Variants in RCAN2 observed in about 807,000 individuals in gnomAD.
The protein encoded by RCAN2 is calcipressin-2.
RCAN2 carries 9 observed loss-of-function variants against 23.6 expected under a neutral mutation model. The ratio of observed to expected loss-of-function variants is 0.38; its 90% CI spans 0.23 to 0.67. RCAN2 has a LOEUF of 0.67. Among genes scored for constraint, RCAN2 ranks in the 30% least tolerant of loss-of-function variants. The pLI is 0.51. For synonymous variants in RCAN2, 109 were observed against 115.7 expected, an observed-to-expected ratio of 0.94 and a Z score of 0.37; for missense variants, 273 against 302.3, an observed-to-expected ratio of 0.90 and a Z score of 0.72.
intron 4 of RCAN2, among the ~76,000 whole-genome samples, chr6:46,232,300 A>G (rs1765923715): frequency 6.6e-6 from 1 of 152,228 alleles, no homozygotes; most frequent in South Asian, 2.1e-4. Context: ...TGTTCTCTCT[A>G]AAATATTTTG....
intron 2 of RCAN2, among the ~76,000 whole-genome samples, chr6:46,430,110 A>G (rs1767147869): frequency 6.6e-6 from 1 of 152,202 alleles, no homozygotes. Flanking sequence ...CCAAAAAACT[A>G]AAGCACTTCA....
Position 46,221,908 on chromosome 6 carries a change from AAAAC to A in RCAN2, c.*1229_*1232del. The A allele has an allele frequency of 2.5e-6, 1 of 398,562 alleles. No individual in the cohort carries two copies. The highest frequency in any genetic ancestry group is 4.4e-6 in the Non-Finnish European group (1 of 225,992). The allele number at this position is 398,562 out of a possible 1,614,324, so 24.7% of individuals were successfully genotyped here. A position where few individuals can be genotyped will look rare whatever the true frequency, so the allele number is the denominator to read the frequency against. ...AGAAATAGAAAAATCACACGTAACA[AAAAC>A]AAATAACTTTTTTGAGCACACGGGT... is the stretch of plus-strand genomic sequence containing the variant. On this transcript the variant is annotated 3_prime_UTR_variant, in exon 5 of 5. Transcript: ENST00000371374.
intron 2 of RCAN2, among the ~76,000 whole-genome samples, chr6:46,263,479 G>A (rs199833429): frequency 0.076 from 10,697 of 140,062 alleles, 921 homozygotes; most frequent in African/African-American, 0.2. Flanking sequence ...GTGTGTATGT[G>A]TGTGTGTGTG....
intron 2 of RCAN2, among the ~76,000 whole-genome samples, chr6:46,415,717 T>C (rs558183009): frequency 6.6e-6 from 1 of 152,092 alleles, no homozygotes; most frequent in Admixed American, 6.6e-5. Context: ...AATTAATAAA[T>C]AAACTAGGGT....
chr6:46,435,703 C>A (rs1767344508), intron 2 of RCAN2, among the ~76,000 whole-genome samples: 1 of 152,166 alleles, frequency 6.6e-6, no homozygotes. Context: ...GTCAACCAAT[C>A]CAGTTTTCTT....
intron 4 of RCAN2, among the ~76,000 whole-genome samples, chr6:46,233,192 A>G (rs1371442244): frequency 6.6e-6 from 1 of 152,184 alleles, no homozygotes; most frequent in Non-Finnish European, 1.5e-5. Context: ...ACATCAAGTC[A>G]CTCAAAGTTC....
chr6:46,245,927 A>G (rs896880687), intron 4 of RCAN2, among the ~76,000 whole-genome samples: 2 of 152,146 alleles, frequency 1.3e-5, no homozygotes, highest in African/African-American at 2.4e-5. Context: ...TTCAATTTCT[A>G]TTATTTCCTC....
At chr6:46,491,612 C>G (rs1209525263), upstream of RCAN2, among the ~76,000 whole-genome samples, 1 of 152,052 alleles carries the variant, frequency 6.6e-6, no homozygotes, top group Non-Finnish European at 1.5e-5. Context: ...TCCCCAGTCC[C>G]CTACCCACCG....
chr6:46,378,235 T>G (rs780300352), intron 2 of RCAN2, among the ~76,000 whole-genome samples: 1 of 152,192 alleles, frequency 6.6e-6, no homozygotes, highest in Non-Finnish European at 1.5e-5. Context: ...TGGCTTCTTA[T>G]GAGTGGATAA....
chr6:46,467,714 T>A (rs1768427392), intron 1 of RCAN2, among the ~76,000 whole-genome samples: 1 of 152,252 alleles, frequency 6.6e-6, no homozygotes, highest in Non-Finnish European at 1.5e-5. Flanking sequence ...AGTACCTACT[T>A]CACTGGGCTG....
intron 2 of RCAN2, among the ~76,000 whole-genome samples, chr6:46,292,887 C>T (rs561788007): frequency 3.0e-4 from 46 of 152,198 alleles, no homozygotes; most frequent in African/African-American, 9.4e-4. Flanking sequence ...TCCACCCCCA[C>T]GACAGGCCTT....
intron 2 of RCAN2, among the ~76,000 whole-genome samples, chr6:46,368,329 T>A (rs1180165693): frequency 6.6e-6 from 1 of 152,228 alleles, no homozygotes; most frequent in African/African-American, 2.4e-5. Flanking sequence ...TCTGGTATCA[T>A]ATGCCTGGGC....
At chr6:46,285,178 G>A (rs747935851) in intron 2 of RCAN2, among the ~76,000 whole-genome samples, 9 of 152,204 alleles carry the variant, frequency 5.9e-5, no homozygotes, top group Non-Finnish European at 1.3e-4. Flanking sequence ...GTGTGTGTAT[G>A]CGTAAAATTA....
intron 2 of RCAN2, among the ~76,000 whole-genome samples, chr6:46,296,835 A>T (rs1368361472): frequency 1.3e-5 from 2 of 152,076 alleles, no homozygotes; most frequent in Non-Finnish European, 2.9e-5. Context: ...GCAATACGTT[A>T]AAAAAATCTG....
At chr6:46,374,780 C>A (rs772369532) in intron 2 of RCAN2, among the ~76,000 whole-genome samples, 8 of 151,982 alleles carry the variant, frequency 5.3e-5, no homozygotes, top group Non-Finnish European at 8.8e-5. Flanking sequence ...AATTTGGAAG[C>A]CATAGAAATG....
intron 2 of RCAN2, among the ~76,000 whole-genome samples, chr6:46,301,535 C>T (rs1477439722): frequency 6.6e-6 from 1 of 152,090 alleles, no homozygotes; most frequent in African/African-American, 2.4e-5. Flanking sequence ...ACTAAAGGCA[C>T]TGTTCTAGTC....
chr6:46,332,844 A>G lies in RCAN2; in HGVS notation c.226-83948T>C, dbSNP rs564866907. Among the ~76,000 whole-genome samples, 310 of 152,346 alleles carry G rather than the reference A, an allele frequency of 2.0e-3. 3 individuals carry two copies. Among genetic ancestry groups the G allele is most frequent in the African/African-American group, 7.3e-3 (305 of 41,576 alleles). On this transcript the variant is annotated intron_variant, in intron 2 of 4. Coordinates refer to ENST00000371374, the MANE Select transcript of RCAN2 (RefSeq NM_001251974.2). ...TACCCAGTAATGGGATGGCTGGATC[A>G]AATGGTATTTCTAGTTCTAGATCCC...
At chr6:46,485,566 T>C (rs775060644) in intron 1 of RCAN2, among the ~76,000 whole-genome samples, 11 of 152,216 alleles carry the variant, frequency 7.2e-5, no homozygotes, top group Non-Finnish European at 1.6e-4. Flanking sequence ...GTTTTCCTGC[T>C]GAGTGGACAT....
At chr6:46,286,627 T>C (rs1762383452) in intron 2 of RCAN2, among the ~76,000 whole-genome samples, 1 of 152,140 alleles carries the variant, frequency 6.6e-6, no homozygotes, top group Non-Finnish European at 1.5e-5. Context: ...TAAAGACATG[T>C]ACAGAACTTC....
Sources: gnomAD v4.1 joint callset for allele counts (sites outside exome capture counted in the v4.1 genomes callset) on GRCh38, gnomAD v4.1.1 for gene constraint, MANE v1.5 for transcripts, NCBI Gene and HGNC (gene_info 2026-07-23, HGNC 2026-07-21) for gene names.